The following SAMMSON variants were observed in gnomAD, a reference collection of about 807,000 sequenced individuals.
SAMMSON encodes the protein long intergenic non-protein coding RNA 1212.
intron 3 of SAMMSON, among the ~76,000 whole-genome samples, chr3:70,023,064 C>T (rs993345574): frequency 6.6e-6 from 1 of 152,162 alleles, no homozygotes; most frequent in Admixed American, 6.5e-5. Context: ...ATTGCAAAAT[C>T]TCACCTCATC....
At chr3:70,417,704 G>T (rs1198186875) in intron 2 of SAMMSON, among the ~76,000 whole-genome samples, 1 of 152,014 alleles carries the variant, frequency 6.6e-6, no homozygotes, top group African/African-American at 2.4e-5. Flanking sequence ...CAAAGACCCA[G>T]TAACTCAAGG....
chr3:70,271,833 G>A (rs1479025648), intron 6 of SAMMSON: 1 of 152,150 alleles, frequency 6.6e-6, no homozygotes, highest in Non-Finnish European at 1.5e-5. Context: ...GCGTGATCTC[G>A]GCTCACTGCA....
chr3:70,147,394 A>G (rs1327274503), intron 4 of SAMMSON, among the ~76,000 whole-genome samples: 1 of 152,072 alleles, frequency 6.6e-6, no homozygotes, highest in East Asian at 1.9e-4. Context: ...ATCCAGAAGA[A>G]TCAATCTACT....
chr3:70,273,129 A>T (rs6549323), intron 6 of SAMMSON, among the ~76,000 whole-genome samples: 59,592 of 151,960 alleles, frequency 0.39, 11,920 homozygotes, highest in East Asian at 0.58. Flanking sequence ...GATGAATACA[A>T]TCCTAAAAGG....
intron 4 of SAMMSON, among the ~76,000 whole-genome samples, chr3:70,084,068 C>G (rs1396489897): frequency 6.6e-6 from 1 of 152,170 alleles, no homozygotes. Flanking sequence ...AGCACATACA[C>G]TTTAAATGAA....
chr3:70,400,539 A>T (rs935802756), intron 2 of SAMMSON, among the ~76,000 whole-genome samples: 1 of 152,190 alleles, frequency 6.6e-6, no homozygotes, highest in African/African-American at 2.4e-5. Context: ...AACCATCCAG[A>T]ATCATGAGCC....
chr3:70,018,901 T>G (rs1455895396), intron 3 of SAMMSON, among the ~76,000 whole-genome samples: 1 of 152,204 alleles, frequency 6.6e-6, no homozygotes, highest in Non-Finnish European at 1.5e-5. Context: ...TTTGAGTGAG[T>G]TTCTTAATCC....
chr3:70,081,030 T>C (rs1361922976), intron 4 of SAMMSON, among the ~76,000 whole-genome samples: 7 of 152,232 alleles, frequency 4.6e-5, no homozygotes, highest in Non-Finnish European at 1.0e-4. Context: ...TATTCCCAGA[T>C]ATCTTAGCCA....
Position 70,126,338 on chromosome 3 carries a change from A to G in SAMMSON, n.507+54773A>G, listed in dbSNP as rs1448936866. On this transcript the variant is annotated intron_variant and non_coding_transcript_variant, in intron 4 of 9. Coordinates refer to ENST00000642114, the Ensembl canonical transcript of SAMMSON. ...CTTTTGCAAATTCAAAGACTAAAGTATGACCTAAAAGTTTCAGCTGATGGA... is the reference window on the plus strand; with the variant it reads ...CTTTTGCAAATTCAAAGACTAAAGTGTGACCTAAAAGTTTCAGCTGATGGA... The G allele has an allele frequency of 5.9e-6, 7 of 1,188,242 alleles. No homozygotes were observed. In the African/African-American group the frequency reaches 9.1e-5, roughly 15 times the overall value. 73.6% of individuals were successfully genotyped at this position (1,188,242 alleles called of 1,614,324 possible).
At chr3:70,272,180 A>G (rs764506549) in intron 6 of SAMMSON, 4 of 152,200 alleles carry the variant, frequency 2.6e-5, no homozygotes, top group Non-Finnish European at 5.9e-5. Context: ...AAATGTACCC[A>G]TTCCAAATGC....
chr3:70,106,692 GA>G (rs1483353063), intron 4 of SAMMSON, among the ~76,000 whole-genome samples: 1 of 152,004 alleles, frequency 6.6e-6, no homozygotes, highest in Admixed American at 6.6e-5. Flanking sequence ...ACGGTCTCTG[GA>G]CCACACATGG....
chr3:70,198,284 A>G (rs1032782730), intron 4 of SAMMSON, among the ~76,000 whole-genome samples: 8 of 152,270 alleles, frequency 5.3e-5, no homozygotes, highest in African/African-American at 1.7e-4. Context: ...TATTTTTCCC[A>G]ATAAGAATGC....
At chr3:70,124,792 G>A (rs1160695328) in intron 4 of SAMMSON, among the ~76,000 whole-genome samples, 1 of 121,916 alleles carries the variant, frequency 8.2e-6, no homozygotes, top group Non-Finnish European at 1.6e-5. Context: ...TCCAGCCCAG[G>A]CAACAGAGCG....
chr3:70,098,066 G>A (rs2067329164), intron 4 of SAMMSON, among the ~76,000 whole-genome samples: 1 of 152,178 alleles, frequency 6.6e-6, no homozygotes, highest in Non-Finnish European at 1.5e-5. Flanking sequence ...TAAGTCATTT[G>A]TGTTCTCCAG....
intron 3 of SAMMSON, among the ~76,000 whole-genome samples, chr3:70,036,538 T>C (rs766370583): frequency 6.6e-6 from 1 of 152,154 alleles, no homozygotes; most frequent in Admixed American, 6.6e-5. Context: ...CCAATGAAAG[T>C]TGGACCCAGG....
At chr3:70,205,480 A>T (rs1402555587) in intron 4 of SAMMSON, 2 of 152,166 alleles carry the variant, frequency 1.3e-5, no homozygotes, top group Non-Finnish European at 2.9e-5. Context: ...CTTTCTAAAA[A>T]TGTAATCACA....
At chr3:70,265,167 A>G (rs1701904634) in intron 6 of SAMMSON, among the ~76,000 whole-genome samples, 1 of 152,164 alleles carries the variant, frequency 6.6e-6, no homozygotes. Flanking sequence ...TTGGGTGGGG[A>G]CACAGCCAAA....
chr3:70,055,095 G>A (rs2067162262), intron 3 of SAMMSON, among the ~76,000 whole-genome samples: 1 of 151,990 alleles, frequency 6.6e-6, no homozygotes, highest in Admixed American at 6.6e-5. Context: ...AATATTAACT[G>A]CAATCTTAAC....
At chr3:70,348,917 T>G (rs942231347) in intron 7 of SAMMSON, among the ~76,000 whole-genome samples, 1 of 152,076 alleles carries the variant, frequency 6.6e-6, no homozygotes, top group African/African-American at 2.4e-5. Flanking sequence ...AGACAATCAA[T>G]CTCTCTCCCT....
Sources: gnomAD v4.1 joint callset for allele counts (sites outside exome capture counted in the v4.1 genomes callset) on GRCh38, gnomAD v4.1.1 for gene constraint, MANE v1.5 for transcripts, NCBI Gene and HGNC (gene_info 2026-07-23, HGNC 2026-07-21) for gene names.